The following PARD3B variants were observed in gnomAD, a reference collection of about 807,000 sequenced individuals.
PARD3B encodes the protein par-3 family cell polarity regulator beta.
PARD3B carries 103 observed loss-of-function variants against 130.2 expected under a neutral mutation model. The observed-to-expected ratio is 0.79, with a 90% CI of 0.67 to 0.93. The LOEUF (loss-of-function observed/expected upper bound fraction) is 0.93. Ranked by LOEUF, PARD3B falls within the 40% of genes least tolerant of loss-of-function variation. The pLI, the probability that PARD3B is intolerant of heterozygous loss-of-function variation, is 0.00. For synonymous variants in PARD3B, 583 were observed against 553.2 expected, an observed-to-expected ratio of 1.05 and a Z score of -0.76; for missense variants, 1,609 against 1,499.2, an observed-to-expected ratio of 1.07 and a Z score of -1.21.
chr2:204,552,553 T>C (rs1035171596), intron 1 of PARD3B, among the ~76,000 whole-genome samples: 7 of 152,250 alleles, frequency 4.6e-5, no homozygotes, highest in Non-Finnish European at 1.0e-4. Flanking sequence ...TTTTGGGTTC[T>C]TGGTCATGAA....
intron 21 of PARD3B, among the ~76,000 whole-genome samples, chr2:205,548,680 T>C (rs936706088): frequency 1.3e-5 from 2 of 152,082 alleles, no homozygotes; most frequent in African/African-American, 4.8e-5. Context: ...GGAGATAAAA[T>C]ACAAGAAAAT....
At chr2:204,625,735 G>A (rs1427660167) in intron 1 of PARD3B, among the ~76,000 whole-genome samples, 1 of 152,030 alleles carries the variant, frequency 6.6e-6, no homozygotes, top group Non-Finnish European at 1.5e-5. Context: ...AGTTATTTAG[G>A]TTATTTATAG....
Position 204,841,296 on chromosome 2 carries a change from A to T in PARD3B, c.223-123856A>T, listed in dbSNP as rs1179749993. On this transcript the variant is annotated intron_variant, in intron 2 of 22. Transcript: ENST00000406610. Reference sequence around the variant, plus strand: ...TTATAGCCTCAAGGGTATCCTTGGGAAGGAGCCAGACAAAAGGTGCATGCC... The same window carrying T: ...TTATAGCCTCAAGGGTATCCTTGGGTAGGAGCCAGACAAAAGGTGCATGCC... Among the ~76,000 whole-genome samples the T allele has an allele frequency of 3.3e-5, 5 of 152,140 alleles. No individual in the cohort carries two copies. The East Asian group carries it at 9.6e-4, about 29-fold the overall frequency.
At chr2:205,070,841 C>T (rs1172039510) in intron 4 of PARD3B, among the ~76,000 whole-genome samples, 1 of 152,102 alleles carries the variant, frequency 6.6e-6, no homozygotes, top group Non-Finnish European at 1.5e-5. Flanking sequence ...CAATTTTATG[C>T]TGAAATACTA....
intron 1 of PARD3B, among the ~76,000 whole-genome samples, chr2:204,567,786 C>T (rs557140825): frequency 2.0e-5 from 3 of 152,228 alleles, no homozygotes; most frequent in Admixed American, 2.0e-4. Context: ...GAGGAATCCC[C>T]CTACTGTCTT....
Position 205,263,913 on chromosome 2 carries a change from AT to A in PARD3B, c.2185+18095del, listed in dbSNP as rs757263655. On this transcript the variant is annotated intron_variant, in intron 16 of 22. Coordinates refer to ENST00000406610, the MANE Select transcript of PARD3B (RefSeq NM_001302769.2). This position sits in a 1 kb window ranked among gnomAD's most constrained non-coding sequence, Gnocchi z 4.0. ...GCACAAGTAGACTATTTACTAGGTT[AT>A]TTTAGACAAAGAGTAATGAGAAGTG... Among the ~76,000 whole-genome samples, 1 of 151,260 alleles carries A rather than the reference AT, an allele frequency of 6.6e-6. No individual in the cohort carries two copies. Among genetic ancestry groups the A allele is most frequent in the Non-Finnish European group, 1.5e-5 (1 of 67,648 alleles).
At chr2:205,036,743 A>G (rs879062982) in intron 3 of PARD3B, among the ~76,000 whole-genome samples, 1 of 147,742 alleles carries the variant, frequency 6.8e-6, no homozygotes, top group African/African-American at 2.5e-5. Flanking sequence ...TGTACAAAAA[A>G]TATATATACA....
At position 205,321,611 on chromosome 2, in the gene PARD3B, A is replaced by G. The variant is rs1338108310; in HGVS notation, c.2630+19910A>G. Among the ~76,000 whole-genome samples the G allele has an allele frequency of 1.3e-5, 2 of 152,210 alleles. No homozygotes were observed. The highest frequency in any genetic ancestry group is 2.9e-5 in the Non-Finnish European group (2 of 68,036). On this transcript the variant is annotated intron_variant, in intron 18 of 22. Coordinates refer to ENST00000406610, the MANE Select transcript of PARD3B (RefSeq NM_001302769.2). The surrounding 1 kb of genome is among the most constrained non-coding windows in gnomAD (Gnocchi z 4.2). ...TTATCCTTAAGTGTACTTTGAAGCT[A>G]GGACTATCACTGTATCATTTTATTA...
chr2:204,546,086 G>A lies in PARD3B; in HGVS notation c.87G>A (p.Gln29=), dbSNP rs1482740312. ...GQLRVGELTQ[Q]ALQRYLKTRE... The stretch of plus-strand genomic sequence containing the variant: ...TGCGCGTCGGCGAGCTCACCCAGCA[G>A]GCGCTGCAGCGGTACCTGAAGACCC... Residue 29 remains glutamine (Q), a synonymous_variant, in exon 1 of 23, where the codon CAG becomes CAA. Transcript: ENST00000406610. The A allele has an allele frequency of 1.9e-6, 3 of 1,557,742 alleles. No homozygotes were observed. The highest frequency in any genetic ancestry group is 1.4e-5 in the African/African-American group (1 of 73,324).
At chr2:205,375,627 T>A (rs2045013542) in intron 18 of PARD3B, among the ~76,000 whole-genome samples, 1 of 152,136 alleles carries the variant, frequency 6.6e-6, no homozygotes, top group African/African-American at 2.4e-5. Flanking sequence ...CACAAGGGCC[T>A]GCTCAAAGGC....
At chr2:204,960,648 C>T (rs1222278655) in intron 2 of PARD3B, among the ~76,000 whole-genome samples, 2 of 152,066 alleles carry the variant, frequency 1.3e-5, no homozygotes, top group African/African-American at 4.8e-5. Flanking sequence ...CTGTTTGCCT[C>T]ATATTTCACT....
rs908119035 is a variant in PARD3B, at chr2:205,352,291, A to C, written c.2631-48722A>C. On this transcript the variant is annotated intron_variant, in intron 18 of 22. Coordinates refer to ENST00000406610, the MANE Select transcript of PARD3B (RefSeq NM_001302769.2). The surrounding 1 kb of genome is among the most constrained non-coding windows in gnomAD (Gnocchi z 5.2). ...AGTAGAGCTTTTCTTTTCACTGTAC[A>C]GTTATGGATTATCTTTGCTGGCTGG... Among the ~76,000 whole-genome samples, 2 of 152,180 alleles carry C rather than the reference A, an allele frequency of 1.3e-5. No individual in the cohort carries two copies. Among genetic ancestry groups the C allele is most frequent in the Non-Finnish European group, 2.9e-5 (2 of 68,038 alleles).
At chr2:205,118,276 T>C (rs1174125776) in intron 6 of PARD3B, among the ~76,000 whole-genome samples, 1 of 152,210 alleles carries the variant, frequency 6.6e-6, no homozygotes, top group Non-Finnish European at 1.5e-5. Context: ...TTAATGTCTT[T>C]AGTTTTTGGA....
intron 1 of PARD3B, among the ~76,000 whole-genome samples, chr2:204,603,223 C>G (rs557757679): frequency 1.1e-3 from 162 of 152,122 alleles, no homozygotes; most frequent in African/African-American, 3.7e-3. Flanking sequence ...CTTTTTTACT[C>G]CTATTTTATT....
chr2:204,738,983 G>C (rs1460807269), intron 2 of PARD3B, among the ~76,000 whole-genome samples: 1 of 152,138 alleles, frequency 6.6e-6, no homozygotes, highest in Non-Finnish European at 1.5e-5. Context: ...ATACTCAGTG[G>C]GAGGATTATG....
In PARD3B at chr2:204,947,922, A is replaced by G. The variant is rs143444458; in HGVS notation, c.223-17230A>G. Among the ~76,000 whole-genome samples, 10 of 152,306 alleles carry G rather than the reference A, an allele frequency of 6.6e-5. No homozygotes were observed. In the East Asian group the frequency reaches 7.7e-4, roughly 12 times the overall value. On this transcript the variant is annotated intron_variant, in intron 2 of 22. Coordinates refer to ENST00000406610, the MANE Select transcript of PARD3B (RefSeq NM_001302769.2). The stretch of plus-strand genomic sequence containing the variant: ...TAATCATAATTTTGCACCAAAAACT[A>G]CTTTGTATACTCATGTGCTTCATGA...
chr2:205,475,804 A>G (rs762661202), intron 20 of PARD3B, among the ~76,000 whole-genome samples: 16 of 152,184 alleles, frequency 1.1e-4, no homozygotes, highest in Non-Finnish European at 1.6e-4. Flanking sequence ...CTGCAAATGA[A>G]GTGGGCATCA....
chr2:205,521,621 T>A (rs1412875399), intron 21 of PARD3B, among the ~76,000 whole-genome samples: 9 of 152,108 alleles, frequency 5.9e-5, no homozygotes, highest in Admixed American at 5.9e-4. Flanking sequence ...GCCCTTGCAG[T>A]TCTGAAAAAA....
At chr2:204,837,365 A>C (rs544713786) in intron 2 of PARD3B, among the ~76,000 whole-genome samples, 1 of 152,140 alleles carries the variant, frequency 6.6e-6, no homozygotes, top group Non-Finnish European at 1.5e-5. Flanking sequence ...TTTCATTGAC[A>C]TAAAGGATCC....
Sources: gnomAD v4.1 joint callset for allele counts (sites outside exome capture counted in the v4.1 genomes callset) on GRCh38, gnomAD v4.1.1 for gene constraint, Gnocchi (gnomAD v3.1) non-coding constraint, MANE v1.5 for transcripts, NCBI Gene and HGNC (gene_info 2026-07-23, HGNC 2026-07-21) for gene names.